The following TRERF1 variants were observed in gnomAD, a reference collection of about 807,000 sequenced individuals.
TRERF1 encodes the protein transcriptional regulating factor 1, also known as transcriptional-regulating factor 1.
Under a neutral mutation model 122.9 loss-of-function variants are expected in TRERF1, and 27 were observed. The ratio of observed to expected loss-of-function variants is 0.22; its 90% CI spans 0.16 to 0.30. TRERF1 has a LOEUF of 0.30. Ranked by LOEUF, TRERF1 falls within the 10% of genes least tolerant of loss-of-function variation. The pLI is 1.00. For synonymous variants in TRERF1, 636 were observed against 641.7 expected (o/e 0.99, Z 0.13); for missense variants, 1,248 against 1,560.3 (o/e 0.80, Z 3.37).
At chr6:42,238,787 A>G (rs900163279) in intron 15 of TRERF1, among the ~76,000 whole-genome samples, 7 of 151,862 alleles carry the variant, frequency 4.6e-5, no homozygotes, top group Admixed American at 3.3e-4. Flanking sequence ...GTCACTAATA[A>G]TAATGATGAC....
chr6:42,307,480 T>C (rs999181362), intron 3 of TRERF1, among the ~76,000 whole-genome samples: 5 of 152,166 alleles, frequency 3.3e-5, no homozygotes, highest in African/African-American at 1.2e-4. Context: ...TTAAATTTTA[T>C]TAAAACAGGA....
At chr6:42,264,743 C>A in exon 7 of TRERF1, 1 of 1,614,216 alleles carries the variant, frequency 6.2e-7, no homozygotes, top group South Asian at 1.1e-5. Context: ...CCCCGTGGGA[C>A]CGCATGTGGC....
chr6:42,241,331 CA>C (rs1354845915), intron 15 of TRERF1, among the ~76,000 whole-genome samples: 1 of 152,132 alleles, frequency 6.6e-6, no homozygotes, highest in Non-Finnish European at 1.5e-5. Flanking sequence ...AAAAAAATAG[CA>C]ATACCATTCT....
At chr6:42,315,933 A>G (rs1736366480) in intron 3 of TRERF1, among the ~76,000 whole-genome samples, 1 of 152,092 alleles carries the variant, frequency 6.6e-6, no homozygotes, top group Non-Finnish European at 1.5e-5. Flanking sequence ...ACCTACCCTC[A>G]CGGTACCTGG....
chr6:42,377,067 C>T (rs898811319), intron 2 of TRERF1, among the ~76,000 whole-genome samples: 37 of 151,886 alleles, frequency 2.4e-4, no homozygotes, highest in African/African-American at 6.8e-4. Context: ...GGTTTCACCA[C>T]GTCAGTCAGG....
chr6:42,344,034 A>G (rs901117396), intron 3 of TRERF1, among the ~76,000 whole-genome samples: 3 of 152,212 alleles, frequency 2.0e-5, no homozygotes, highest in Admixed American at 6.5e-5. Context: ...GCAGGCAGGA[A>G]GGCACTGCAT....
intron 2 of TRERF1, among the ~76,000 whole-genome samples, chr6:42,390,677 C>G (rs367671225): frequency 2.0e-5 from 3 of 152,184 alleles, no homozygotes; most frequent in East Asian, 3.8e-4. Flanking sequence ...ATCACAACCG[C>G]CCGGCCCTCA....
intron 4 of TRERF1, among the ~76,000 whole-genome samples, chr6:42,271,259 A>G (rs144535861): frequency 2.0e-5 from 3 of 151,946 alleles, no homozygotes; most frequent in African/African-American, 7.2e-5. Flanking sequence ...CATGGATGGC[A>G]GAGGTGCAAG....
chr6:42,427,209 C>G (rs1783752368), intron 2 of TRERF1, among the ~76,000 whole-genome samples: 1 of 151,990 alleles, frequency 6.6e-6, no homozygotes, highest in African/African-American at 2.4e-5. Context: ...GCTTATTCAC[C>G]TAGGGCACAT....
chr6:42,346,556 G>C (rs1768327569), intron 3 of TRERF1, among the ~76,000 whole-genome samples: 1 of 152,208 alleles, frequency 6.6e-6, no homozygotes, highest in African/African-American at 2.4e-5. Context: ...ATGCAAGCAA[G>C]GCTCAGGTAG....
intron 3 of TRERF1, among the ~76,000 whole-genome samples, chr6:42,331,094 A>G (rs1364786620): frequency 2.6e-5 from 4 of 152,214 alleles, no homozygotes; most frequent in Admixed American, 2.6e-4. Flanking sequence ...CTCCTCCAAA[A>G]TATGCTGTAG....
intron 3 of TRERF1, among the ~76,000 whole-genome samples, chr6:42,348,038 C>G (rs898668747): frequency 1.3e-5 from 2 of 152,170 alleles, no homozygotes; most frequent in African/African-American, 4.8e-5. Flanking sequence ...TAAATAGGAA[C>G]CTTGCCAATA....
intron 13 of TRERF1, among the ~76,000 whole-genome samples, chr6:42,247,896 G>A (rs969925664): frequency 4.6e-5 from 7 of 152,108 alleles, no homozygotes; most frequent in Admixed American, 4.6e-4. Context: ...CACTTCTCTA[G>A]ACTTCATTAG....
chr6:42,354,150 G>A (rs887291233), intron 3 of TRERF1, among the ~76,000 whole-genome samples: 3 of 152,194 alleles, frequency 2.0e-5, no homozygotes, highest in Admixed American at 1.3e-4. Flanking sequence ...CTTGGAGGGT[G>A]ATTGTGTCAG....
chr6:42,265,888 A>G (rs956647619), intron 5 of TRERF1, 91 bp from the exon 6 acceptor site: 2 of 1,348,318 alleles, frequency 1.5e-6, no homozygotes, highest in African/African-American at 2.9e-5. Context: ...AACACCAGGT[A>G]CTCTTCCAGG....
At chr6:42,396,342 C>T (rs1464860968) in intron 2 of TRERF1, among the ~76,000 whole-genome samples, 6 of 152,018 alleles carry the variant, frequency 3.9e-5, no homozygotes, top group Admixed American at 3.9e-4. Context: ...CACCCCTCCT[C>T]CCACCATGGC....
intron 2 of TRERF1, among the ~76,000 whole-genome samples, chr6:42,366,851 A>T (rs1772835230): frequency 6.6e-6 from 1 of 152,120 alleles, no homozygotes; most frequent in Non-Finnish European, 1.5e-5. Context: ...TCAGCAAAAC[A>T]CTCAAGGGCC....
intron 4 of TRERF1, among the ~76,000 whole-genome samples, chr6:42,278,297 G>C (rs1781668205): frequency 6.6e-6 from 1 of 152,180 alleles, no homozygotes; most frequent in Non-Finnish European, 1.5e-5. Context: ...CAGAAGCTAG[G>C]GAGGGGAGGC....
At chr6:42,377,152 C>T (rs958246162) in intron 2 of TRERF1, among the ~76,000 whole-genome samples, 2 of 152,228 alleles carry the variant, frequency 1.3e-5, no homozygotes, top group Non-Finnish European at 2.9e-5. Flanking sequence ...AGGCGTGAGC[C>T]ACTGTGCCAG....
Sources: allele counts gnomAD v4.1 joint callset (sites outside exome capture counted in the v4.1 genomes callset), GRCh38; gene constraint gnomAD v4.1.1; transcripts MANE v1.5; gene names NCBI Gene and HGNC (gene_info 2026-07-23, HGNC 2026-07-21).